The following LSAMP variants were observed in gnomAD, a reference collection of about 807,000 sequenced individuals.
LSAMP encodes limbic system associated membrane protein, also known as limbic system-associated membrane protein.
A neutral mutation model predicts 38.6 loss-of-function variants in LSAMP; 7 were observed. That is an observed-to-expected ratio of 0.18 (90% confidence interval 0.10 to 0.34). The LOEUF is 0.34. LSAMP is among the 10% of genes least tolerant of loss of function. LSAMP has a pLI of 1.00. For missense variants in LSAMP, 313 were observed against 420.0 expected, an observed-to-expected ratio of 0.75 and a Z score of 2.23; for synonymous variants, 154 against 166.8, an observed-to-expected ratio of 0.92 and a Z score of 0.59.
intron 2 of LSAMP, among the ~76,000 whole-genome samples, chr3:116,046,263 C>G (rs1158388878): frequency 6.6e-6 from 1 of 152,156 alleles, no homozygotes; most frequent in Non-Finnish European, 1.5e-5. Context: ...TTACTGGGAA[C>G]TGCACCTGGT....
chr3:116,047,567 T>C (rs975071454), intron 2 of LSAMP, among the ~76,000 whole-genome samples: 7 of 152,108 alleles, frequency 4.6e-5, no homozygotes, highest in Admixed American at 2.0e-4. Context: ...CAACCACTTC[T>C]ACATGCATGC....
intron 1 of LSAMP, among the ~76,000 whole-genome samples, chr3:116,307,158 T>G (rs982154956): frequency 6.6e-6 from 1 of 152,018 alleles, no homozygotes; most frequent in African/African-American, 2.4e-5. Flanking sequence ...AACCTAAACC[T>G]TTGCATTCTC....
chr3:116,422,781 T>C (rs1482531602), intron 1 of LSAMP, among the ~76,000 whole-genome samples: 1 of 152,222 alleles, frequency 6.6e-6, no homozygotes, highest in African/African-American at 2.4e-5. Flanking sequence ...TAAATAGTGC[T>C]GCTAAGCTTA....
rs537946770 is a variant in LSAMP, at chr3:116,187,823, C to T, written c.156-101267G>A. Among the ~76,000 whole-genome samples, 5 of 152,096 alleles carry T rather than the reference C, an allele frequency of 3.3e-5. No individual in the cohort carries two copies. In the South Asian group the frequency reaches 6.2e-4, roughly 19 times the overall value. On this transcript the variant is annotated intron_variant, in intron 1 of 6. Transcript: ENST00000490035. Reference sequence around the variant, plus strand: ...CACTTTTATTTTATGTTCAGGGGTACATGTGCAGGTTTGTTACATAGGCAA... The same window carrying T: ...CACTTTTATTTTATGTTCAGGGGTATATGTGCAGGTTTGTTACATAGGCAA...
intron 3 of LSAMP, among the ~76,000 whole-genome samples, chr3:115,856,677 C>T (rs1041321198): frequency 2.0e-5 from 3 of 151,726 alleles, no homozygotes; most frequent in African/African-American, 7.3e-5. Flanking sequence ...CCTCTTCTGC[C>T]ACGTAAGGAC....
intron 3 of LSAMP, among the ~76,000 whole-genome samples, chr3:116,002,239 C>A (rs887233917): frequency 2.0e-5 from 3 of 152,130 alleles, no homozygotes; most frequent in African/African-American, 7.2e-5. Context: ...GGCTTACTAA[C>A]ACTTATGCCC....
intron 1 of LSAMP, among the ~76,000 whole-genome samples, chr3:116,124,776 A>G (rs1004056028): frequency 6.6e-6 from 1 of 152,210 alleles, no homozygotes; most frequent in Non-Finnish European, 1.5e-5. Flanking sequence ...AGACATGGAC[A>G]TGGTCATACA....
chr3:116,258,123 T>C (rs529929468), intron 1 of LSAMP, among the ~76,000 whole-genome samples: 1 of 152,250 alleles, frequency 6.6e-6, no homozygotes, highest in East Asian at 1.9e-4. Flanking sequence ...GTTCTTTATC[T>C]CATTCTCATA....
In LSAMP at chr3:116,045,014, T is replaced by TC. The variant is rs374654488; in HGVS notation, c.389-25375_389-25374insG. On this transcript the variant is annotated intron_variant, in intron 2 of 6. Coordinates refer to ENST00000490035, the MANE Select transcript of LSAMP (RefSeq NM_002338.5). ...AAGCTTTGTAGCAAATGTCAGACGT[T>TC]TTGAAAATAGGATCATTCCATATAC... Among the ~76,000 whole-genome samples the TC allele has an allele frequency of 8.2e-3, 1,244 of 152,282 alleles. 15 individuals are homozygous for TC. The highest frequency in any genetic ancestry group is 0.029 in the African/African-American group (1,193 of 41,532).
intron 1 of LSAMP, among the ~76,000 whole-genome samples, chr3:116,410,255 C>G (rs7433207): frequency 0.075 from 11,475 of 152,016 alleles, 461 homozygotes; most frequent in African/African-American, 0.1. Flanking sequence ...TTATAAGACT[C>G]CTGATTCTTG....
At chr3:115,834,998 C>T (rs970779421) in intron 6 of LSAMP, among the ~76,000 whole-genome samples, 9 of 152,024 alleles carry the variant, frequency 5.9e-5, no homozygotes, top group African/African-American at 1.7e-4. Flanking sequence ...GATAGATGAA[C>T]GTGTGTCAGC....
At chr3:116,052,921 T>C (rs956107573) in intron 2 of LSAMP, among the ~76,000 whole-genome samples, 2 of 152,204 alleles carry the variant, frequency 1.3e-5, no homozygotes, top group Non-Finnish European at 2.9e-5. Context: ...AAATGGTGCA[T>C]AGTGGAATGC....
chr3:116,307,896 G>C (rs543150520), intron 1 of LSAMP, among the ~76,000 whole-genome samples: 3 of 151,880 alleles, frequency 2.0e-5, no homozygotes, highest in African/African-American at 7.2e-5. Flanking sequence ...TCAGTTATTA[G>C]ATATTTGATC....
At chr3:115,919,540 CTGGGG>C (rs781166238) in intron 3 of LSAMP, among the ~76,000 whole-genome samples, 4 of 152,088 alleles carry the variant, frequency 2.6e-5, no homozygotes, top group Non-Finnish European at 5.9e-5. Flanking sequence ...GAATGGGGGT[CTGGGG>C]TGTGAACATT....
chr3:116,038,081 A>G (rs1401843660), intron 2 of LSAMP, among the ~76,000 whole-genome samples: 1 of 152,058 alleles, frequency 6.6e-6, no homozygotes, highest in Non-Finnish European at 1.5e-5. Context: ...TTCAATATGT[A>G]TTCATAGTGT....
Position 116,121,490 on chromosome 3 carries a change from T to C in LSAMP, c.156-34934A>G, listed in dbSNP as rs957901576. On this transcript the variant is annotated intron_variant, in intron 1 of 6. Transcript: ENST00000490035. ...TTCTGTAATTAAGATACTGGCAATG[T>C]TGGTTTGGGAACATGTATTTCATTC... 2.0e-5 allele frequency among the ~76,000 whole-genome samples: 3 copies of C among 152,250 alleles called. No homozygotes were observed. The East Asian group carries it at 5.8e-4, about 29-fold the overall frequency.
chr3:116,116,532 TA>T (rs386397689), intron 1 of LSAMP, among the ~76,000 whole-genome samples: 3,130 of 110,772 alleles, frequency 0.028, 86 homozygotes, highest in African/African-American at 0.085. Flanking sequence ...CCATCTCTAC[TA>T]AAAAAAAAAA....
At chr3:116,271,254 C>T (rs1161165859) in intron 1 of LSAMP, among the ~76,000 whole-genome samples, 1 of 151,968 alleles carries the variant, frequency 6.6e-6, no homozygotes, top group Non-Finnish European at 1.5e-5. Context: ...TTAAAAATAA[C>T]TGTCTGGTAA....
chr3:116,066,311 A>T (rs911921417), intron 2 of LSAMP, among the ~76,000 whole-genome samples: 13 of 152,196 alleles, frequency 8.5e-5, no homozygotes, highest in African/African-American at 2.7e-4. Flanking sequence ...TAAAGTTCTA[A>T]ACTGAATTTA....
Sources: allele counts gnomAD v4.1 joint callset (sites outside exome capture counted in the v4.1 genomes callset), GRCh38; gene constraint gnomAD v4.1.1; transcripts MANE v1.5; gene names NCBI Gene and HGNC (gene_info 2026-07-23, HGNC 2026-07-21).